The following STK32B variants were observed in gnomAD, a reference collection of about 807,000 sequenced individuals.
The protein encoded by STK32B is serine/threonine-protein kinase 32B.
A neutral mutation model predicts 52.6 loss-of-function variants in STK32B; 43 were observed. The observed-to-expected ratio is 0.82, with a 90% confidence interval of 0.64 to 1.05. The LOEUF is 1.05. Among genes scored for constraint, STK32B ranks in the 50% least tolerant of loss-of-function variants. The pLI, the probability that STK32B is intolerant of heterozygous loss-of-function variation, is 0.00. For missense variants in STK32B, 621 were observed against 534.6 expected, an observed-to-expected ratio of 1.16 and a Z score of -1.59; for synonymous variants, 238 against 204.3, an observed-to-expected ratio of 1.17 and a Z score of -1.41.
intron 3 of STK32B, among the ~76,000 whole-genome samples, chr4:5,202,232 A>C (rs181440726): frequency 1.3e-5 from 2 of 152,360 alleles, no homozygotes; most frequent in African/African-American, 4.8e-5. Context: ...CAACCATTAA[A>C]TCTTAAAGCT....
At chr4:5,169,315 C>CT (rs1356226185) in intron 3 of STK32B, among the ~76,000 whole-genome samples, 1 of 152,072 alleles carries the variant, frequency 6.6e-6, no homozygotes, top group Non-Finnish European at 1.5e-5. Context: ...CAAATGTTTC[C>CT]TAAGCTGGAT....
intron 4 of STK32B, among the ~76,000 whole-genome samples, chr4:5,377,108 TA>T (rs1290622535): frequency 6.6e-6 from 1 of 152,234 alleles, no homozygotes; most frequent in Non-Finnish European, 1.5e-5. Flanking sequence ...TGCAGTGCTC[TA>T]TCTATGGCCA....
the STK32B span, among the ~76,000 whole-genome samples, chr4:5,033,186 C>A: frequency 6.6e-6 from 1 of 152,184 alleles, no homozygotes; most frequent in African/African-American, 2.4e-5. Context: ...AGGAAGAGAA[C>A]GCTGGCGGAA....
At chr4:5,130,138 G>A (rs907939279) in intron 1 of STK32B, among the ~76,000 whole-genome samples, 1 of 151,520 alleles carries the variant, frequency 6.6e-6, no homozygotes, top group African/African-American at 2.4e-5. Context: ...GACCCAAATA[G>A]GGTGGTGAGG....
At chr4:5,139,357 A>G (rs1716267037) in intron 1 of STK32B, among the ~76,000 whole-genome samples, 1 of 152,204 alleles carries the variant, frequency 6.6e-6, no homozygotes, top group South Asian at 2.1e-4. Context: ...AGCCAAGGCT[A>G]GAGACACCTT....
intron 3 of STK32B, among the ~76,000 whole-genome samples, chr4:5,260,646 GC>G (rs2108844158): frequency 6.6e-6 from 1 of 152,310 alleles, no homozygotes; most frequent in Non-Finnish European, 1.5e-5. Flanking sequence ...GAAGTGAATG[GC>G]CTATTAGGGA....
intron 4 of STK32B, among the ~76,000 whole-genome samples, chr4:5,363,184 T>C (rs1183291920): frequency 6.6e-6 from 1 of 152,236 alleles, no homozygotes; most frequent in Admixed American, 6.5e-5. Context: ...GAGCATAGAA[T>C]GCAGTCATGA....
intron 3 of STK32B, among the ~76,000 whole-genome samples, chr4:5,305,441 T>G (rs1729862537): frequency 6.6e-6 from 1 of 152,138 alleles, no homozygotes; most frequent in South Asian, 2.1e-4. Context: ...TCCAGGAATT[T>G]ATCTGGAATC....
intron 4 of STK32B, among the ~76,000 whole-genome samples, chr4:5,354,258 G>GA (rs1259496614): frequency 6.6e-6 from 1 of 152,136 alleles, no homozygotes; most frequent in African/African-American, 2.4e-5. Context: ...AGGGGGTGAA[G>GA]AAAAATAGAT....
Position 5,380,071 on chromosome 4 carries a change from C to T in STK32B, c.435-18136C>T, listed in dbSNP as rs1004245605. ...ACTGCCTCGATCACGGGGCTATGCT[C>T]ACTGTGCAGAGCATCTCCCCAGCCC... is the stretch of plus-strand genomic sequence containing the variant. On this transcript the variant is annotated intron_variant, in intron 4 of 11. Transcript: ENST00000282908. The surrounding 1 kb of genome is among the most constrained non-coding windows in gnomAD (Gnocchi z 4.3). 6.6e-6 allele frequency among the ~76,000 whole-genome samples: 1 copy of T among 152,176 alleles called. No individual in the cohort carries two copies. Among genetic ancestry groups the T allele is most frequent in the Non-Finnish European group, 1.5e-5 (1 of 68,040 alleles).
At chr4:5,302,215 A>AAG (rs1560298565) in intron 3 of STK32B, among the ~76,000 whole-genome samples, 2 of 151,756 alleles carry the variant, frequency 1.3e-5, no homozygotes, top group East Asian at 3.9e-4. Flanking sequence ...ATTGTAAAAA[A>AAG]AAAAATCACA....
At chr4:5,448,246 C>T (rs1291264188) in intron 7 of STK32B, among the ~76,000 whole-genome samples, 1 of 152,192 alleles carries the variant, frequency 6.6e-6, no homozygotes, top group African/African-American at 2.4e-5. Flanking sequence ...AGCTTGTTCA[C>T]TGAATGAAAA....
intron 11 of STK32B, among the ~76,000 whole-genome samples, chr4:5,497,738 GT>G (rs1720410503): frequency 6.6e-6 from 1 of 152,138 alleles, no homozygotes; most frequent in Admixed American, 6.5e-5. Flanking sequence ...ACACACAACT[GT>G]GACCTGTCTA....
intron 1 of STK32B, among the ~76,000 whole-genome samples, chr4:5,107,149 C>T (rs534763248): frequency 1.1e-4 from 16 of 152,080 alleles, no homozygotes; most frequent in South Asian, 2.1e-4. Context: ...TTCATAGGAG[C>T]GCAAACCTAT....
At chr4:5,241,743 C>G (rs1008796775) in intron 3 of STK32B, among the ~76,000 whole-genome samples, 2 of 152,094 alleles carry the variant, frequency 1.3e-5, no homozygotes, top group African/African-American at 4.8e-5. Context: ...CACCCCACAA[C>G]AGTCCCTGGT....
At chr4:5,119,530 AT>A (rs1197393889) in intron 1 of STK32B, among the ~76,000 whole-genome samples, 3 of 152,108 alleles carry the variant, frequency 2.0e-5, no homozygotes, top group African/African-American at 7.2e-5. Context: ...TTCATGTCAT[AT>A]TTTTTTCCTC....
At chr4:5,490,735 C>G (rs1305673983) in intron 11 of STK32B, among the ~76,000 whole-genome samples, 3 of 152,090 alleles carry the variant, frequency 2.0e-5, no homozygotes, top group South Asian at 2.1e-4. Flanking sequence ...CTCTCCACCC[C>G]ACAACAGTCT....
At chr4:5,324,270 C>G (rs762862998) in intron 3 of STK32B, among the ~76,000 whole-genome samples, 1 of 152,142 alleles carries the variant, frequency 6.6e-6, no homozygotes, top group South Asian at 2.1e-4. Context: ...AGGATAATTG[C>G]TTGAACCCAG....
At chr4:5,382,261 C>G (rs2109024714) in intron 4 of STK32B, among the ~76,000 whole-genome samples, 1 of 152,318 alleles carries the variant, frequency 6.6e-6, no homozygotes, top group Non-Finnish European at 1.5e-5. Flanking sequence ...AACCATCCCG[C>G]TGGTGACCCT....
Sources: allele counts gnomAD v4.1 joint callset (sites outside exome capture counted in the v4.1 genomes callset), GRCh38; gene constraint gnomAD v4.1.1; non-coding constraint Gnocchi (gnomAD v3.1); transcripts MANE v1.5; gene names NCBI Gene and HGNC (gene_info 2026-07-23, HGNC 2026-07-21).